IMMP2L: variants seen among roughly 807,000 people sequenced by gnomAD.
The protein encoded by IMMP2L is mitochondrial inner membrane protease subunit 2.
IMMP2L carries 18 observed loss-of-function variants against 19.3 expected under a neutral mutation model. The observed-to-expected ratio is 0.93, with a 90% CI of 0.64 to 1.38. IMMP2L has a LOEUF of 1.38. IMMP2L is among the 40% of genes most tolerant of loss of function. The probability of loss-of-function intolerance (pLI) is 0.00; values close to 1 mark genes in which losing one functional copy is unlikely to be tolerated. For synonymous variants in IMMP2L, 76 were observed against 73.0 expected, an observed-to-expected ratio of 1.04 and a Z score of -0.21; for missense variants, 233 against 218.2, an observed-to-expected ratio of 1.07 and a Z score of -0.43.
At chr7:111,348,810 ACT>A (rs1363254385) in intron 3 of IMMP2L, among the ~76,000 whole-genome samples, 1 of 152,000 alleles carries the variant, frequency 6.6e-6, no homozygotes, top group Non-Finnish European at 1.5e-5. Context: ...ATATTAGCTG[ACT>A]CTGACATCCA....
intron 4 of IMMP2L, among the ~76,000 whole-genome samples, chr7:110,903,839 A>C (rs764712056): frequency 1.3e-5 from 2 of 151,468 alleles, no homozygotes; most frequent in African/African-American, 2.4e-5. Flanking sequence ...TTCGATTCCC[A>C]CCGACAGTGT....
At chr7:111,109,911 G>A (rs900720651) in intron 3 of IMMP2L, among the ~76,000 whole-genome samples, 5 of 152,124 alleles carry the variant, frequency 3.3e-5, no homozygotes, top group Admixed American at 1.3e-4. Context: ...CAAGGTGGGC[G>A]GATCACAAGG....
intron 4 of IMMP2L, among the ~76,000 whole-genome samples, chr7:110,947,958 C>T (rs774598407): frequency 6.6e-6 from 1 of 152,130 alleles, no homozygotes; most frequent in Admixed American, 6.6e-5. Context: ...GCTCTCCATA[C>T]CCCAAATATA....
chr7:111,260,792 T>C (rs1368475326), intron 3 of IMMP2L, among the ~76,000 whole-genome samples: 2 of 152,140 alleles, frequency 1.3e-5, no homozygotes, highest in South Asian at 2.1e-4. Flanking sequence ...AAAATTATAC[T>C]ATAAATACGT....
intron 3 of IMMP2L, among the ~76,000 whole-genome samples, chr7:110,992,922 TG>T (rs1448493802): frequency 6.6e-6 from 1 of 152,086 alleles, no homozygotes; most frequent in Non-Finnish European, 1.5e-5. Flanking sequence ...AATCACTTAG[TG>T]GGGAAAAAGA....
At chr7:110,982,984 C>G (rs1821461779) in intron 3 of IMMP2L, among the ~76,000 whole-genome samples, 1 of 152,014 alleles carries the variant, frequency 6.6e-6, no homozygotes, top group African/African-American at 2.4e-5. Flanking sequence ...AATATCACAC[C>G]TTCCCTCAAC....
rs1266988157 is a variant in IMMP2L at position 110,826,734 on chromosome 7, G to A, written c.408+59859C>T. 4.6e-5 allele frequency among the ~76,000 whole-genome samples: 7 copies of A among 151,958 alleles called. No homozygotes were observed. In the East Asian group the frequency reaches 1.4e-3, roughly 29 times the overall value. On this transcript the variant is annotated intron_variant, in intron 5 of 5. Coordinates refer to ENST00000405709, the MANE Select transcript of IMMP2L (RefSeq NM_032549.4). The stretch of plus-strand genomic sequence containing the variant: ...GATAGCATTAGGAGATATACCTAAT[G>A]TAAATGACGACTTAATGTGTGCAGC...
chr7:111,087,748 G>A (rs776707054), intron 3 of IMMP2L, among the ~76,000 whole-genome samples: 1 of 152,034 alleles, frequency 6.6e-6, no homozygotes, highest in African/African-American at 2.4e-5. Flanking sequence ...AGTAATAAGA[G>A]CGATAAAGAG....
chr7:110,899,225 T>A (rs953909383), intron 4 of IMMP2L, among the ~76,000 whole-genome samples: 4 of 152,122 alleles, frequency 2.6e-5, no homozygotes, highest in Non-Finnish European at 5.9e-5. Flanking sequence ...TATATACAAA[T>A]GCATTACAAG....
At chr7:110,967,425 A>G (rs568485290) in intron 3 of IMMP2L, among the ~76,000 whole-genome samples, 1 of 152,114 alleles carries the variant, frequency 6.6e-6, no homozygotes, top group African/African-American at 2.4e-5. Flanking sequence ...GGTGTCACAT[A>G]AATAACTTAA....
chr7:110,959,388 T>G (rs1481887378), intron 4 of IMMP2L, among the ~76,000 whole-genome samples: 2 of 151,932 alleles, frequency 1.3e-5, no homozygotes, highest in Non-Finnish European at 2.9e-5. Flanking sequence ...TTTTATAATT[T>G]TTTAATATAC....
intron 3 of IMMP2L, among the ~76,000 whole-genome samples, chr7:111,380,388 A>C (rs914841822): frequency 1.3e-5 from 2 of 151,976 alleles, no homozygotes; most frequent in Admixed American, 6.6e-5. Context: ...GTGATCCTCC[A>C]CACACAGACT....
intron 3 of IMMP2L, among the ~76,000 whole-genome samples, chr7:111,343,453 A>G (rs2130810141): frequency 6.6e-6 from 1 of 152,002 alleles, no homozygotes; most frequent in Non-Finnish European, 1.5e-5. Flanking sequence ...GTCCTTTCTA[A>G]CTTCCACTCG....
chr7:110,922,651 G>A, intron 4 of IMMP2L, among the ~76,000 whole-genome samples: 1 of 152,006 alleles, frequency 6.6e-6, no homozygotes, highest in East Asian at 1.9e-4. Context: ...GTTGGGTTAG[G>A]CTCAAGGAAC....
chr7:111,201,747 G>T lies in IMMP2L; in HGVS notation c.240-238182C>A, dbSNP rs376500627. 2.6e-5 allele frequency among the ~76,000 whole-genome samples: 4 copies of T among 151,880 alleles called. No homozygotes were observed. The East Asian group carries it at 7.7e-4, about 29-fold the overall frequency. On this transcript the variant is annotated intron_variant, in intron 3 of 5. Coordinates refer to ENST00000405709, the MANE Select transcript of IMMP2L (RefSeq NM_032549.4). ...AAAAAAAGGAAAAAAAAAGAGAGAT[G>T]AGGTTTCTAAGAGCTGATTAGGTTG...
chr7:111,187,327 C>A (rs571259333), intron 3 of IMMP2L, among the ~76,000 whole-genome samples: 2 of 152,216 alleles, frequency 1.3e-5, no homozygotes, highest in African/African-American at 4.8e-5. Flanking sequence ...GAGAGGGCCA[C>A]CAGGCTCTCC....
chr7:111,444,563 T>A (rs1023893469), intron 3 of IMMP2L, among the ~76,000 whole-genome samples: 5 of 151,986 alleles, frequency 3.3e-5, no homozygotes, highest in Admixed American at 6.6e-5. Context: ...AAGTGTTGAA[T>A]TTTTTTAAAT....
chr7:111,333,103 A>T (rs1284917391), intron 3 of IMMP2L, among the ~76,000 whole-genome samples: 1 of 152,110 alleles, frequency 6.6e-6, no homozygotes, highest in African/African-American at 2.4e-5. Context: ...CACCAGGAAA[A>T]AAACAAGACC....
intron 3 of IMMP2L, among the ~76,000 whole-genome samples, chr7:111,088,163 G>C (rs923971611): frequency 4.6e-5 from 7 of 152,102 alleles, no homozygotes; most frequent in Non-Finnish European, 5.9e-5. Flanking sequence ...TGATGAAATA[G>C]CAATAAACAA....
Sources: gnomAD v4.1 joint callset for allele counts (sites outside exome capture counted in the v4.1 genomes callset) on GRCh38, gnomAD v4.1.1 for gene constraint, MANE v1.5 for transcripts, NCBI Gene and HGNC (gene_info 2026-07-23, HGNC 2026-07-21) for gene names.